RNFT2: variants seen among roughly 807,000 people sequenced by gnomAD.
RNFT2 encodes the protein ring finger protein, transmembrane 2, also known as E3 ubiquitin-protein ligase RNFT2.
Under a neutral mutation model 53.0 loss-of-function variants are expected in RNFT2, and 36 were observed. That is an observed-to-expected ratio of 0.68 (90% confidence interval 0.52 to 0.90). The LOEUF is 0.90. Ranked by LOEUF, RNFT2 falls within the 40% of genes least tolerant of loss-of-function variation. The pLI, the probability that RNFT2 is intolerant of heterozygous loss-of-function variation, is 0.00. For synonymous variants in RNFT2, 260 were observed against 253.2 expected (o/e 1.03, Z -0.26); for missense variants, 514 against 585.6 (o/e 0.88, Z 1.26).
intron 7 of RNFT2, among the ~76,000 whole-genome samples, chr12:116,800,517 C>T (rs1231852784): frequency 1.3e-5 from 2 of 152,044 alleles, no homozygotes; most frequent in African/African-American, 2.4e-5. Context: ...CCTGTAATCC[C>T]AGCTACTCGG....
At chr12:116,770,135 T>A (rs1247406333) in intron 6 of RNFT2, among the ~76,000 whole-genome samples, 2 of 152,104 alleles carry the variant, frequency 1.3e-5, no homozygotes, top group Non-Finnish European at 2.9e-5. Flanking sequence ...CATTCACCAC[T>A]CTCTCATTGA....
At chr12:116,738,645 A>G (rs1871439157) in intron 1 of RNFT2, 1 of 152,134 alleles carries the variant, frequency 6.6e-6, no homozygotes, top group African/African-American at 2.4e-5. Flanking sequence ...CTTCAAAGGG[A>G]CATAGTGGGA....
Position 116,803,980 on chromosome 12 carries a change from G to C in RNFT2, c.882+24632G>C, listed in dbSNP as rs186120456. Among the ~76,000 whole-genome samples the C allele has an allele frequency of 2.0e-5, 3 of 152,292 alleles. No individual in the cohort carries two copies. The East Asian group carries it at 5.8e-4, about 29-fold the overall frequency. On this transcript the variant is annotated intron_variant, in intron 7 of 10. Transcript: ENST00000257575. ...TAATCTGGGAAACTTTTGTCTTACTGAGAGCCTGGGGGAAGATTAAGTGGG... is the reference window on the plus strand; with the variant it reads ...TAATCTGGGAAACTTTTGTCTTACTCAGAGCCTGGGGGAAGATTAAGTGGG...
chr12:116,809,665 C>G (rs1875271765), intron 7 of RNFT2, among the ~76,000 whole-genome samples: 1 of 152,148 alleles, frequency 6.6e-6, no homozygotes, highest in East Asian at 1.9e-4. Context: ...ACCGGTAGAC[C>G]CAGAAAGACC....
intron 6 of RNFT2, among the ~76,000 whole-genome samples, chr12:116,770,314 A>C (rs1033619451): frequency 6.6e-6 from 1 of 152,206 alleles, no homozygotes; most frequent in Non-Finnish European, 1.5e-5. Flanking sequence ...GTAACAAGCT[A>C]TGTAGGTTTG....
chr12:116,740,572 T>G (rs1871558854), intron 2 of RNFT2, 51 bp downstream of exon 2: 14 of 1,531,606 alleles, frequency 9.1e-6, no homozygotes, highest in African/African-American at 1.4e-5. Context: ...TGATTAAATG[T>G]GAGAGCTGGA....
chr12:116,741,188 C>A, intron 3 of RNFT2, 94 bp downstream of exon 3: 1 of 952,226 alleles, frequency 1.1e-6, no homozygotes, highest in Non-Finnish European at 1.7e-6. Context: ...TCACCCTCAG[C>A]GTTAGTTGTT....
Position 116,849,382 on chromosome 12 carries a change from G to A in RNFT2, c.1269G>A (p.Ser423=), listed in dbSNP as rs533584064. The A allele has an allele frequency of 1.3e-5, 21 of 1,559,184 alleles. No individual in the cohort carries two copies. The South Asian group carries it at 1.4e-4, about 11-fold the overall frequency. Residue 423 remains serine, a synonymous_variant, in exon 11 of 11, where the codon TCG becomes TCA. Coordinates refer to ENST00000257575, the MANE Select transcript of RNFT2 (RefSeq NM_001382266.1). ...AGCGCACCTGCCCGCTCTGCCGCTC[G>A]GTCGCCGTGGACACCCTGCGCTGCT... is the stretch of plus-strand genomic sequence containing the variant. ...DRERTCPLCR[S]VAVDTLRCWK...
At chr12:116,841,896 TATATATATATAAATATATATATAAAA>T (rs1877334805) in intron 10 of RNFT2, among the ~76,000 whole-genome samples, 2 of 20,390 alleles carry the variant, frequency 9.8e-5, no homozygotes, top group Non-Finnish European at 2.3e-4. Flanking sequence ...TATATAAAAA[TATATATATATAAATATATATATAAAA>T]ATATATATAT....
intron 7 of RNFT2, among the ~76,000 whole-genome samples, chr12:116,814,838 C>T (rs988812442): frequency 1.3e-5 from 2 of 152,016 alleles, no homozygotes; most frequent in Non-Finnish European, 2.9e-5. Flanking sequence ...ACCACCATGC[C>T]CAGCTAAGTT....
At chr12:116,762,648 C>T (rs1307486566) in intron 5 of RNFT2, among the ~76,000 whole-genome samples, 3 of 149,602 alleles carry the variant, frequency 2.0e-5, no homozygotes, top group African/African-American at 4.9e-5. Context: ...GGTGCAATCT[C>T]GGCTCACTGC....
chr12:116,826,190 T>C (rs1353557968), intron 7 of RNFT2, among the ~76,000 whole-genome samples: 1 of 152,152 alleles, frequency 6.6e-6, no homozygotes, highest in Non-Finnish European at 1.5e-5. Context: ...TCCCACCCGC[T>C]TCTGGAGCCA....
chr12:116,766,144 T>TAGTG (rs747896982), intron 5 of RNFT2, among the ~76,000 whole-genome samples: 5 of 151,952 alleles, frequency 3.3e-5, no homozygotes, highest in Non-Finnish European at 7.4e-5. Flanking sequence ...TAGCCAGGTA[T>TAGTG]AGTGACACCT....
intron 7 of RNFT2, among the ~76,000 whole-genome samples, chr12:116,815,255 C>T (rs1875592985): frequency 1.3e-5 from 2 of 152,208 alleles, no homozygotes; most frequent in South Asian, 4.1e-4. Flanking sequence ...CTGACACTAC[C>T]CTCATGACAG....
intron 7 of RNFT2, among the ~76,000 whole-genome samples, chr12:116,792,162 G>C (rs542501410): frequency 1.3e-5 from 2 of 152,216 alleles, no homozygotes; most frequent in South Asian, 4.2e-4. Flanking sequence ...CAATTCTCCT[G>C]ACTCAGCCTC....
chr12:116,770,601 C>A (rs1454466125), intron 6 of RNFT2, among the ~76,000 whole-genome samples: 2 of 152,082 alleles, frequency 1.3e-5, no homozygotes, highest in East Asian at 3.8e-4. Flanking sequence ...CTCTGTCACC[C>A]AGGCTGGAGT....
chr12:116,818,194 A>C (rs1170834434), intron 7 of RNFT2, among the ~76,000 whole-genome samples: 1 of 152,062 alleles, frequency 6.6e-6, no homozygotes, highest in Admixed American at 6.5e-5. Flanking sequence ...ATGGTGGCAC[A>C]CACCTGTGGT....
At chr12:116,772,019 T>C (rs865922710) in intron 6 of RNFT2, among the ~76,000 whole-genome samples, 4 of 152,212 alleles carry the variant, frequency 2.6e-5, no homozygotes, top group Non-Finnish European at 5.9e-5. Flanking sequence ...ATGAGTTTGT[T>C]TCCCCTGGTG....
chr12:116,759,447 A>G (rs1872613139), intron 5 of RNFT2, among the ~76,000 whole-genome samples: 1 of 152,098 alleles, frequency 6.6e-6, no homozygotes, highest in Admixed American at 6.6e-5. Flanking sequence ...GTTTTGTCAT[A>G]TTACCAGGGA....
Sources: allele counts gnomAD v4.1 joint callset (sites outside exome capture counted in the v4.1 genomes callset), GRCh38; gene constraint gnomAD v4.1.1; transcripts MANE v1.5; gene names NCBI Gene and HGNC (gene_info 2026-07-23, HGNC 2026-07-21).